The following DLG2 variants were observed in gnomAD, a reference collection of about 807,000 sequenced individuals.
DLG2 encodes disks large homolog 2.
DLG2 carries 45 observed loss-of-function variants against 132.5 expected under a neutral mutation model. The ratio of observed to expected loss-of-function variants is 0.34; its 90% CI spans 0.27 to 0.44. DLG2 has a LOEUF of 0.44. Ranked by LOEUF, DLG2 falls within the 20% of genes least tolerant of loss-of-function variation. The pLI is 1.00. For synonymous variants in DLG2, 424 were observed against 419.6 expected (o/e 1.01, Z -0.13); for missense variants, 1,045 against 1,196.9 (o/e 0.87, Z 1.87).
intron 18 of DLG2, among the ~76,000 whole-genome samples, chr11:83,674,780 T>C (rs944021640): frequency 2.6e-5 from 4 of 152,234 alleles, no homozygotes; most frequent in Non-Finnish European, 5.9e-5. Flanking sequence ...GCAGGTTTTA[T>C]GAACAGATTT....
At position 83,959,802 on chromosome 11, in the gene DLG2, A is replaced by G. The variant is rs145948443; in HGVS notation, c.1340+3083T>C. On this transcript the variant is annotated intron_variant, in intron 14 of 27. Transcript: ENST00000376104. ...TGATTCTATTTGATTGCTGTATGCT[A>G]TGAGGCAATTACTTAACCTCTCTGA... Among the ~76,000 whole-genome samples the G allele has an allele frequency of 2.1e-3, 326 of 152,218 alleles. 4 individuals are homozygous for G. Among genetic ancestry groups the G allele is most frequent in the African/African-American group, 7.6e-3 (316 of 41,568 alleles).
At chr11:83,684,610 G>C (rs2079409589) in intron 18 of DLG2, 1 of 152,148 alleles carries the variant, frequency 6.6e-6, no homozygotes, top group South Asian at 2.1e-4. Context: ...GGTAAGAAAA[G>C]TCAGATGTAA....
chr11:85,563,848 T>G (rs1361405655), intron 3 of DLG2, among the ~76,000 whole-genome samples: 1 of 152,106 alleles, frequency 6.6e-6, no homozygotes, highest in Non-Finnish European at 1.5e-5. Context: ...AGTGGAAAGG[T>G]AGGTTAAAAT....
At chr11:83,479,865 A>C (rs201781860) in intron 22 of DLG2, among the ~76,000 whole-genome samples, 1 of 152,134 alleles carries the variant, frequency 6.6e-6, no homozygotes, top group East Asian at 1.9e-4. Context: ...ATAGTATCCT[A>C]TCTTAAAAGA....
intron 6 of DLG2, among the ~76,000 whole-genome samples, chr11:84,988,039 C>T (rs955137148): frequency 5.9e-5 from 9 of 152,108 alleles, no homozygotes; most frequent in African/African-American, 1.9e-4. Flanking sequence ...GGACTAATAT[C>T]CAGAATCTAC....
chr11:84,581,552 A>T, intron 6 of DLG2, among the ~76,000 whole-genome samples: 1 of 152,204 alleles, frequency 6.6e-6, no homozygotes, highest in Non-Finnish European at 1.5e-5. Context: ...TATGATAGAC[A>T]TTACTATTCC....
intron 3 of DLG2, among the ~76,000 whole-genome samples, chr11:85,445,232 T>C (rs1034925848): frequency 1.3e-5 from 2 of 152,118 alleles, no homozygotes; most frequent in African/African-American, 4.8e-5. Flanking sequence ...GGATTTTGGA[T>C]GGTGGGGAGA....
At chr11:85,504,063 A>AT (rs1370368129) in intron 3 of DLG2, among the ~76,000 whole-genome samples, 11 of 151,846 alleles carry the variant, frequency 7.2e-5, no homozygotes, top group Non-Finnish European at 1.2e-4. Context: ...GGGATGTTTG[A>AT]TTTTTTCCTT....
At chr11:85,529,984 TTTG>T (rs1377492934) in intron 3 of DLG2, among the ~76,000 whole-genome samples, 2 of 142,076 alleles carry the variant, frequency 1.4e-5, no homozygotes, top group Non-Finnish European at 3.1e-5. Context: ...CTAGAGAGGG[TTTG>T]TTTTTTTTTT....
intron 9 of DLG2, among the ~76,000 whole-genome samples, chr11:84,121,064 A>T (rs187425523): frequency 6.1e-4 from 93 of 152,276 alleles, no homozygotes; most frequent in Admixed American, 1.9e-3. Context: ...TATGTATTTA[A>T]AAATATTTAT....
chr11:83,952,243 G>A (rs2085644592), intron 14 of DLG2, among the ~76,000 whole-genome samples: 1 of 152,102 alleles, frequency 6.6e-6, no homozygotes, highest in Non-Finnish European at 1.5e-5. Flanking sequence ...CTACTTGGAA[G>A]GCTGAGGTGG....
chr11:84,300,616 A>T (rs1055004808), intron 7 of DLG2, among the ~76,000 whole-genome samples: 31 of 152,086 alleles, frequency 2.0e-4, no homozygotes, highest in African/African-American at 7.2e-4. Flanking sequence ...AAAATTAAGC[A>T]TGTTTTAAAT....
Position 85,068,661 on chromosome 11 carries a change from G to C in DLG2, c.357+43000C>G, listed in dbSNP as rs377474154. Among the ~76,000 whole-genome samples the C allele has an allele frequency of 1.3e-4, 20 of 151,940 alleles. No homozygotes were observed. The South Asian group carries it at 1.5e-3, about 11-fold the overall frequency. ...TCAAGGAAATAAAAGAGGATACAAA[G>C]AAATGGAAGAACATTCCATGCTCAT... On this transcript the variant is annotated intron_variant, in intron 6 of 27. Transcript: ENST00000376104.
chr11:83,812,208 G>T (rs1368078378), intron 17 of DLG2, among the ~76,000 whole-genome samples: 1 of 152,018 alleles, frequency 6.6e-6, no homozygotes, highest in African/African-American at 2.4e-5. Context: ...CAGTTACAGG[G>T]CATTTTCTAG....
chr11:85,215,228 T>C (rs2082503630), intron 4 of DLG2, among the ~76,000 whole-genome samples: 1 of 152,208 alleles, frequency 6.6e-6, no homozygotes, highest in African/African-American at 2.4e-5. Context: ...CCATTGTGAC[T>C]GAATAAAAAA....
intron 9 of DLG2, among the ~76,000 whole-genome samples, chr11:84,124,123 T>C (rs775157437): frequency 1.8e-4 from 27 of 152,226 alleles, no homozygotes; most frequent in Non-Finnish European, 3.4e-4. Flanking sequence ...TAGATGGTAT[T>C]GTTGGGGCCA....
At chr11:85,544,936 C>G (rs1194173990) in intron 3 of DLG2, among the ~76,000 whole-genome samples, 1 of 152,192 alleles carries the variant, frequency 6.6e-6, no homozygotes, top group Non-Finnish European at 1.5e-5. Flanking sequence ...CATCTGCGCA[C>G]AGAAACAATT....
At chr11:83,514,320 G>T (rs954049889) in intron 21 of DLG2, among the ~76,000 whole-genome samples, 1 of 151,954 alleles carries the variant, frequency 6.6e-6, no homozygotes, top group Non-Finnish European at 1.5e-5. Context: ...TCATGATTTG[G>T]CTCTCTGTTT....
At chr11:85,561,822 C>G (rs892890198) in intron 3 of DLG2, among the ~76,000 whole-genome samples, 1 of 151,810 alleles carries the variant, frequency 6.6e-6, no homozygotes, top group African/African-American at 2.4e-5. Flanking sequence ...TTTATGGCAA[C>G]AATTTGATTG....
Sources: gnomAD v4.1 joint callset for allele counts (sites outside exome capture counted in the v4.1 genomes callset) on GRCh38, gnomAD v4.1.1 for gene constraint, MANE v1.5 for transcripts, NCBI Gene and HGNC (gene_info 2026-07-23, HGNC 2026-07-21) for gene names.